The following INO80 variants were observed in gnomAD, a reference collection of about 807,000 sequenced individuals.
INO80 encodes INO80 complex ATPase subunit, also known as chromatin-remodeling ATPase INO80.
Under a neutral mutation model 203.4 loss-of-function variants are expected in INO80, and 20 were observed. That is an observed-to-expected ratio of 0.10 (90% CI 0.07 to 0.14). INO80 has a LOEUF of 0.14. Among genes scored for constraint, INO80 ranks in the 10% least tolerant of loss-of-function variants. The probability of loss-of-function intolerance (pLI) is 1.00; values close to 1 mark genes in which losing one functional copy is unlikely to be tolerated. For synonymous variants in INO80, 726 were observed against 685.2 expected, an observed-to-expected ratio of 1.06 and a Z score of -0.93; for missense variants, 1,419 against 1,914.4, an observed-to-expected ratio of 0.74 and a Z score of 4.83.
intron 10 of INO80, 60 bp downstream of exon 10, chr15:41,074,310 T>C (rs1230057720): frequency 3.0e-6 from 4 of 1,311,970 alleles, no homozygotes; most frequent in African/African-American, 3.0e-5. Context: ...TTAATGTATA[T>C]AACCTTTAGA....
rs2044422203 is a variant in INO80, at chr15:41,029,174, A to G, written c.2908-1438T>C. Reference sequence around the variant, plus strand: ...TCAAGAATACAAACTGCAAGATCAGAACAGCAACCTGGATCCTCTGTAAGA... The same window carrying G: ...TCAAGAATACAAACTGCAAGATCAGGACAGCAACCTGGATCCTCTGTAAGA... On this transcript the variant is annotated intron_variant, in intron 24 of 35. Transcript: ENST00000648947. Among the ~76,000 whole-genome samples, 2 of 152,252 alleles carry G rather than the reference A, an allele frequency of 1.3e-5. 1 individual carries two copies. Among genetic ancestry groups the G allele is most frequent in the South Asian group, 4.1e-4 (2 of 4,836 alleles).
At chr15:41,044,803 G>C in intron 24 of INO80, 101 bp downstream of exon 24, 1 of 1,151,004 alleles carries the variant, frequency 8.7e-7, no homozygotes. Context: ...GGAACTTTTT[G>C]GTTCTCTCAG....
At chr15:41,099,334 G>T (rs970468049) in intron 1 of INO80, among the ~76,000 whole-genome samples, 2 of 140,372 alleles carry the variant, frequency 1.4e-5, no homozygotes, top group African/African-American at 2.6e-5. Context: ...AAAAAAAAAT[G>T]TTCCAAACTC....
chr15:41,089,769 G>C (rs971047953), intron 5 of INO80, among the ~76,000 whole-genome samples: 2 of 151,342 alleles, frequency 1.3e-5, no homozygotes, highest in Non-Finnish European at 2.9e-5. Flanking sequence ...GAAAGAAAGA[G>C]TCAGAAGGCT....
At chr15:40,984,069 CAT>C (rs1209154119) in intron 33 of INO80, 126 bp downstream of exon 33, 2 of 1,328,844 alleles carry the variant, frequency 1.5e-6, no homozygotes, top group South Asian at 2.7e-5. Flanking sequence ...TTACAGACCT[CAT>C]GTGCAACCTA....
intron 4 of INO80, among the ~76,000 whole-genome samples, chr15:41,093,573 G>A (rs1037093738): frequency 5.9e-5 from 9 of 151,992 alleles, no homozygotes; most frequent in Admixed American, 5.2e-4. Context: ...CCTGTAAAAG[G>A]GTGAATTTGG....
chr15:41,011,757 A>T (rs1190231562), intron 27 of INO80: 1 of 152,210 alleles, frequency 6.6e-6, no homozygotes, highest in Admixed American at 6.5e-5. Context: ...TTTCTAAGAG[A>T]GGCCAACTCA....
chr15:41,082,198 C>T (rs1449783466), intron 7 of INO80, among the ~76,000 whole-genome samples: 4 of 145,426 alleles, frequency 2.8e-5, no homozygotes, highest in Non-Finnish European at 4.5e-5. Flanking sequence ...TGCAGTGAGC[C>T]GAGATCGTAC....
At chr15:41,039,125 A>C (rs1368377486) in intron 24 of INO80, among the ~76,000 whole-genome samples, 2 of 152,122 alleles carry the variant, frequency 1.3e-5, no homozygotes, top group Non-Finnish European at 2.9e-5. Context: ...CTCCTATCCA[A>C]ATCTCTACCA....
intron 11 of INO80, 146 bp from the exon 12 acceptor site, chr15:41,072,204 GTATCA>G: frequency 1.8e-6 from 1 of 554,850 alleles, no homozygotes; most frequent in East Asian, 3.0e-5. Context: ...ATATAACGTA[GTATCA>G]TATGACATCA....
chr15:41,101,712 G>C (rs1304056331), intron 1 of INO80, among the ~76,000 whole-genome samples: 1 of 151,906 alleles, frequency 6.6e-6, no homozygotes, highest in Admixed American at 6.6e-5. Context: ...ACAACGCCTG[G>C]CTAAGTTTTT....
intron 5 of INO80, among the ~76,000 whole-genome samples, chr15:41,088,998 G>A (rs1475601961): frequency 6.6e-6 from 1 of 151,800 alleles, no homozygotes; most frequent in Admixed American, 6.6e-5. Flanking sequence ...AGACCAGCCT[G>A]GCCAACATGA....
At chr15:41,012,424 G>A (rs1439432451) in intron 27 of INO80, among the ~76,000 whole-genome samples, 3 of 152,054 alleles carry the variant, frequency 2.0e-5, no homozygotes, top group African/African-American at 7.2e-5. Context: ...AAATTAGCCA[G>A]GCGTGGTGAT....
chr15:41,068,797 T>C lies in INO80; in HGVS notation c.1782+773A>G, dbSNP rs548489617. ...ATTGCTTGAACCTGGGAGATGGAGG[T>C]TGCAGTGAGCCGAGATTGTGCCACT... On this transcript the variant is annotated intron_variant, in intron 14 of 35. Coordinates refer to ENST00000648947, the MANE Select transcript of INO80 (RefSeq NM_017553.3). Among the ~76,000 whole-genome samples the C allele has an allele frequency of 4.6e-5, 7 of 151,990 alleles. No individual in the cohort carries two copies. In the South Asian group the frequency reaches 1.0e-3, roughly 23 times the overall value.
intron 1 of INO80, among the ~76,000 whole-genome samples, chr15:41,112,578 A>G (rs2045972070): frequency 6.6e-6 from 1 of 151,956 alleles, no homozygotes; most frequent in Non-Finnish European, 1.5e-5. Context: ...CACAAGGTCA[A>G]GAGATCGAGA....
At chr15:41,102,149 C>T (rs1300110799) in intron 1 of INO80, among the ~76,000 whole-genome samples, 3 of 151,644 alleles carry the variant, frequency 2.0e-5, no homozygotes, top group Non-Finnish European at 2.9e-5. Flanking sequence ...CAAGACTGTG[C>T]CACTGAACTC....
chr15:41,055,945 G>GT (rs5812185), intron 17 of INO80, among the ~76,000 whole-genome samples: 114,493 of 128,604 alleles, frequency 0.89, 52,079 homozygotes, highest in Non-Finnish European at 0.97. Context: ...TCTTCTTTTG[G>GT]TTTTTTTTTT....
At chr15:41,083,789 G>A (rs1325815875) in intron 7 of INO80, among the ~76,000 whole-genome samples, 1 of 151,428 alleles carries the variant, frequency 6.6e-6, no homozygotes, top group South Asian at 2.1e-4. Flanking sequence ...CCTATATGAA[G>A]TATATGTGTA....
intron 29 of INO80, among the ~76,000 whole-genome samples, chr15:40,996,888 T>C (rs1029974531): frequency 1.3e-5 from 2 of 152,238 alleles, no homozygotes; most frequent in Non-Finnish European, 1.5e-5. Flanking sequence ...ACTGATTGTT[T>C]TTCCAGTCTG....
Sources: gnomAD v4.1 joint callset for allele counts (sites outside exome capture counted in the v4.1 genomes callset) on GRCh38, gnomAD v4.1.1 for gene constraint, MANE v1.5 for transcripts, NCBI Gene and HGNC (gene_info 2026-07-23, HGNC 2026-07-21) for gene names.